The following SLC25A28 variants were observed in gnomAD, a reference collection of about 807,000 sequenced individuals.
SLC25A28 encodes the protein mitoferrin-2.
SLC25A28 carries 10 observed loss-of-function variants against 31.9 expected under a neutral mutation model. That is an observed-to-expected ratio of 0.31 (90% CI 0.19 to 0.53). The LOEUF (loss-of-function observed/expected upper bound fraction) is 0.53, where lower values mean the gene tolerates loss of function less well. SLC25A28 is among the 20% of genes least tolerant of loss of function. SLC25A28 has a pLI of 0.95. For missense variants in SLC25A28, 256 were observed against 490.3 expected, an observed-to-expected ratio of 0.52 and a Z score of 4.51; for synonymous variants, 208 against 203.6, an observed-to-expected ratio of 1.02 and a Z score of -0.19.
the SLC25A28 span, among the ~76,000 whole-genome samples, chr10:99,646,238 C>G: frequency 1.3e-5 from 2 of 152,184 alleles, no homozygotes; most frequent in Non-Finnish European, 1.5e-5. Context: ...ACTTTGTTTA[C>G]CTACTCAAGC....
the SLC25A28 span, among the ~76,000 whole-genome samples, chr10:99,633,209 T>C: frequency 1.3e-5 from 2 of 152,212 alleles, no homozygotes; most frequent in Admixed American, 1.3e-4. Context: ...GTGATTTTCC[T>C]GGCTGTTCTC....
chr10:99,621,174 C>T (rs961925004), upstream of SLC25A28: 1 of 178,882 alleles, frequency 5.6e-6, no homozygotes, highest in Non-Finnish European at 1.1e-5. Flanking sequence ...CCGCTAGACT[C>T]TGGTCGGGTC....
the SLC25A28 span, among the ~76,000 whole-genome samples, chr10:99,647,103 T>G: frequency 6.6e-6 from 1 of 152,240 alleles, no homozygotes; most frequent in Non-Finnish European, 1.5e-5. Context: ...TTTGTTATTG[T>G]GAATAGTCTG....
the SLC25A28 span, among the ~76,000 whole-genome samples, chr10:99,658,649 C>T: frequency 6.6e-6 from 1 of 152,024 alleles, no homozygotes; most frequent in Non-Finnish European, 1.5e-5. Context: ...GCAGAATGAG[C>T]AAAACAGGAC....
chr10:99,620,139 A>G lies in SLC25A28; in HGVS notation c.197T>C (p.Leu66Pro). 6.3e-7 allele frequency: 1 copy of G among 1,579,044 alleles called. No individual in the cohort carries two copies. Among genetic ancestry groups the G allele is most frequent in the Non-Finnish European group, 8.5e-7 (1 of 1,170,638 alleles). The change falls in exon 1 of 4, where the codon CTG becomes CCG. Residue 66 changes from leucine (L) to proline (P), a missense_variant. By Grantham distance (98) the Leu-to-Pro change is moderately conservative. This residue lies in a region of SLC25A28 where 41 missense variants were observed against 41.7 expected (regional missense o/e 0.98). Coordinates refer to ENST00000370495, the MANE Select transcript of SLC25A28 (RefSeq NM_031212.4). ...DPDSGPDYEALPAGATVTTHM... is the reference protein window; with the variant it reads ...DPDSGPDYEAPPAGATVTTHM... ...CGTGGTGACAGTGGCTCCAGCCGGCAGCGCCTCGTAGTCCGGGCCGGAGTC... is the reference window on the plus strand; with the variant it reads ...CGTGGTGACAGTGGCTCCAGCCGGCGGCGCCTCGTAGTCCGGGCCGGAGTC...
At chr10:99,650,832 CA>C in the SLC25A28 span, among the ~76,000 whole-genome samples, 1 of 152,146 alleles carries the variant, frequency 6.6e-6, no homozygotes, top group Non-Finnish European at 1.5e-5. Context: ...AGCAGGGCAA[CA>C]GCTGCAGCCA....
At chr10:99,647,199 G>A in the SLC25A28 span, among the ~76,000 whole-genome samples, 19 of 152,182 alleles carry the variant, frequency 1.2e-4, no homozygotes, top group Admixed American at 3.9e-4. Context: ...TTGTTGGATC[G>A]AATGGTACTT....
chr10:99,633,006 T>C, the SLC25A28 span, among the ~76,000 whole-genome samples: 3 of 152,208 alleles, frequency 2.0e-5, no homozygotes, highest in Non-Finnish European at 4.4e-5. Context: ...AGGATAAATT[T>C]TGAGTTGTTT....
the SLC25A28 span, among the ~76,000 whole-genome samples, chr10:99,648,344 T>A: frequency 1.3e-5 from 2 of 152,186 alleles, no homozygotes; most frequent in Non-Finnish European, 2.9e-5. Flanking sequence ...CTACACTACT[T>A]TGGTGACTAT....
chr10:99,634,671 T>C, the SLC25A28 span, among the ~76,000 whole-genome samples: 127,832 of 152,172 alleles, frequency 0.84, 53,940 homozygotes, highest in Middle Eastern at 0.91. Flanking sequence ...CTAAGAACAA[T>C]CAGTGTTGCT....
chr10:99,611,299 C>A lies in SLC25A28; in HGVS notation c.645G>T (p.Val215=), dbSNP rs779643650. Residue 215 remains valine, a synonymous_variant, in exon 4 of 4, where the codon GTG becomes GTT. Transcript: ENST00000370495. This position sits in a 1 kb window ranked among gnomAD's most constrained non-coding sequence, Gnocchi z 5.5. ...AGGCCCCGGCCCCTTCATTTTGCCA[C>A]ACTGCCCGTACACAGTCTGTCACCC... The part of the protein sequence containing the change: ...YHRVTDCVRA[V]WQNEGAGAFY... The A allele has an allele frequency of 6.2e-7, 1 of 1,614,140 alleles. No individual in the cohort carries two copies. Among genetic ancestry groups the A allele is most frequent in the East Asian group, 2.2e-5 (1 of 44,874 alleles).
In SLC25A28 at chr10:99,613,979, C is replaced by T. The variant is rs779559821; in HGVS notation, c.292-55G>A. 1.5e-4 allele frequency: 224 copies of T among 1,503,654 alleles called. No individual in the cohort carries two copies. Among genetic ancestry groups the T allele is most frequent in the Non-Finnish European group, 1.8e-4 (202 of 1,124,104 alleles). The allele number at this position is 1,503,654 out of a possible 1,614,324, so 93.1% of individuals were successfully genotyped here. A position where few individuals can be genotyped will look rare whatever the true frequency, so the allele number is the denominator to read the frequency against. ...TCAGCAATGCCAACTTCTCGCCCCA[C>T]CTCAACACACTGGGCAGACCTTCTA... On this transcript the variant is annotated intron_variant, in intron 1 of 3. Coordinates refer to ENST00000370495, the MANE Select transcript of SLC25A28 (RefSeq NM_031212.4). This position sits in a 1 kb window ranked among gnomAD's most constrained non-coding sequence, Gnocchi z 4.9.
At chr10:99,622,624 G>A (rs879749101), upstream of SLC25A28, 14 of 984,686 alleles carry the variant, frequency 1.4e-5, no homozygotes, top group Middle Eastern at 5.2e-4. Flanking sequence ...AACACTTGCC[G>A]CCACACCACA....
upstream of SLC25A28, among the ~76,000 whole-genome samples, chr10:99,622,978 C>A (rs893365056): frequency 6.6e-6 from 1 of 152,098 alleles, no homozygotes; most frequent in African/African-American, 2.4e-5. Flanking sequence ...GAAAAATACA[C>A]ACAAAAAATG....
the SLC25A28 span, among the ~76,000 whole-genome samples, chr10:99,639,156 A>G: frequency 6.6e-6 from 1 of 152,006 alleles, no homozygotes; most frequent in Admixed American, 6.6e-5. Context: ...ACTCAGCCAT[A>G]AAAAGGAGTG....
chr10:99,651,608 T>TTTTTTTTTTTTTG, the SLC25A28 span, among the ~76,000 whole-genome samples: 2 of 148,522 alleles, frequency 1.3e-5, no homozygotes, highest in African/African-American at 2.5e-5. Context: ...TTTTTTTTTT[T>TTTTTTTTTTTTTG]GAGGTAGGGT....
chr10:99,656,839 T>C, the SLC25A28 span, among the ~76,000 whole-genome samples: 1 of 152,216 alleles, frequency 6.6e-6, no homozygotes, highest in African/African-American at 2.4e-5. Context: ...GCAAATGAAA[T>C]AGAGAAATAC....
the SLC25A28 span, among the ~76,000 whole-genome samples, chr10:99,651,594 C>CTTTTTTTTTTTTTTTTTTTTTT: frequency 2.3e-3 from 249 of 110,072 alleles, 15 homozygotes; most frequent in Non-Finnish European, 2.7e-3. Context: ...TTTTTCTTTT[C>CTTTTTTTTTTTTTTTTTTTTTT]TTTTTTTTTT....
At chr10:99,617,625 A>G in intron 1 of SLC25A28, 1 of 985,458 alleles carries the variant, frequency 1.0e-6, no homozygotes, top group Non-Finnish European at 1.2e-6. Context: ...AGTGTTTAAC[A>G]TACTCACTGA....
Sources: allele counts gnomAD v4.1 joint callset (sites outside exome capture counted in the v4.1 genomes callset), GRCh38; gene constraint gnomAD v4.1.1; regional missense constraint gnomAD v4.1.1; non-coding constraint Gnocchi (gnomAD v3.1); transcripts MANE v1.5; gene names NCBI Gene and HGNC (gene_info 2026-07-23, HGNC 2026-07-21).